The following FN1 variants were observed in gnomAD, a reference collection of about 807,000 sequenced individuals.
FN1 encodes fibronectin.
In FN1, 106 loss-of-function variants were observed where a neutral mutation model predicts 297.3. That is an observed-to-expected ratio of 0.36 (90% CI 0.30 to 0.42). The LOEUF is 0.42. FN1 is among the 10% of genes least tolerant of loss of function. The pLI is 1.00. For missense variants in FN1, 2,690 were observed against 3,124.9 expected (o/e 0.86, Z 3.32); for synonymous variants, 1,149 against 1,152.6 (o/e 1.00, Z 0.06).
At chr2:215,408,499 G>T in intron 15 of FN1, 73 bp from the exon 16 acceptor site, 1 of 1,455,192 alleles carries the variant, frequency 6.9e-7, no homozygotes, top group Non-Finnish European at 9.6e-7. Context: ...CTTATAAGAA[G>T]GATATTTTAA....
intron 18 of FN1, 68 bp downstream of exon 18, chr2:215,407,059 C>A (rs1388440342): frequency 2.4e-6 from 3 of 1,253,746 alleles, no homozygotes; most frequent in African/African-American, 1.5e-5. Flanking sequence ...TTGACAGAGA[C>A]AAAACAACCC....
chr2:215,405,186 G>C lies in FN1; in HGVS notation c.2987-531C>G, dbSNP rs116261741. Among the ~76,000 whole-genome samples the C allele has an allele frequency of 6.3e-3, 957 of 152,284 alleles. 7 individuals carry two copies. Among genetic ancestry groups the C allele is most frequent in the African/African-American group, 0.022 (902 of 41,544 alleles). On this transcript the variant is annotated intron_variant, in intron 19 of 45. Transcript: ENST00000354785. The stretch of plus-strand genomic sequence containing the variant: ...ATAACGTATCCTCAGATTCATGGTA[G>C]GATACTGGTGAGTTTGCACTATCAG...
At chr2:215,373,225 G>T in intron 39 of FN1, 97 bp downstream of exon 39, 2 of 910,772 alleles carry the variant, frequency 2.2e-6, no homozygotes, top group South Asian at 1.3e-5. Context: ...CACAAGAAAT[G>T]CATCAAAACA....
chr2:215,424,660 C>T (rs139110190), intron 7 of FN1, among the ~76,000 whole-genome samples: 319 of 152,160 alleles, frequency 2.1e-3, no homozygotes, highest in African/African-American at 6.0e-3. Flanking sequence ...TATATCTATG[C>T]CATAAAATTA....
rs780664311 is a variant in FN1, at chr2:215,430,698, A to T, written c.685+17T>A. On this transcript the variant is annotated intron_variant, in intron 5 of 45. Transcript: ENST00000354785. ...CAATACCTGGCTTAATCTTTAACAT[A>T]AAGATGTAAAACATACTTCTAGAAG... 1.7e-5 allele frequency: 27 copies of T among 1,613,406 alleles called. No individual in the cohort carries two copies. The South Asian group carries it at 2.9e-4, about 17-fold the overall frequency.
chr2:215,370,513 T>A, intron 40 of FN1, 81 bp from the exon 41 acceptor site: 34 of 905,278 alleles, frequency 3.8e-5, no homozygotes, highest in Middle Eastern at 2.8e-4. Flanking sequence ...CCAATAACCC[T>A]CACTGTTTAA....
chr2:215,418,012 A>G (rs927005450), intron 12 of FN1, among the ~76,000 whole-genome samples: 3 of 152,212 alleles, frequency 2.0e-5, no homozygotes, highest in African/African-American at 7.2e-5. Context: ...TGCATCATAT[A>G]AACAAACAAA....
At chr2:215,417,626 T>C (rs1464783296) in intron 12 of FN1, among the ~76,000 whole-genome samples, 1 of 152,202 alleles carries the variant, frequency 6.6e-6, no homozygotes, top group African/African-American at 2.4e-5. Flanking sequence ...CCCTACGTGC[T>C]AGGCCACGGA....
chr2:215,432,112 G>C (rs561759768), intron 3 of FN1, 148 bp from the exon 4 acceptor site: 6 of 874,200 alleles, frequency 6.9e-6, no homozygotes, highest in African/African-American at 1.7e-5. Context: ...AACGTTAACA[G>C]GTCTGGTCAC....
chr2:215,425,399 A>G, intron 6 of FN1, 114 bp from the exon 7 acceptor site: 2 of 1,085,508 alleles, frequency 1.8e-6, no homozygotes, highest in Non-Finnish European at 2.8e-6. Flanking sequence ...CTATGTCGCT[A>G]CTGGCCTGGG....
chr2:215,380,319 T>C (rs901935755), intron 33 of FN1: 4 of 173,124 alleles, frequency 2.3e-5, no homozygotes, highest in Non-Finnish European at 5.0e-5. Flanking sequence ...AATTGCCCTA[T>C]TGATTATTTC....
chr2:215,409,508 G>A (rs1029366319), intron 15 of FN1, 55 bp downstream of exon 15: 12 of 1,568,518 alleles, frequency 7.7e-6, no homozygotes, highest in Admixed American at 1.7e-5. Flanking sequence ...ACCCCCACAA[G>A]GAGAGTTTTC....
Position 215,410,091 on chromosome 2 carries a change from C to T in FN1, c.1965G>A (p.Lys655=). Residue 655 remains lysine, a synonymous_variant, in exon 14 of 46, where the codon AAG becomes AAA. Transcript: ENST00000354785. ...WRPKNSVGRW[K]EATIPGHLNS... ...TTAAGTGGCCTGGTATGGTAGCTTC[C>T]TTCCAACGGCCTACAGAATTTTTCT... The T allele has an allele frequency of 4.3e-6, 7 of 1,613,100 alleles. No homozygotes were observed. The highest frequency in any genetic ancestry group is 5.1e-6 in the Non-Finnish European group (6 of 1,179,740).
chr2:215,371,715 G>A, intron 40 of FN1, 194 bp downstream of exon 40: 1 of 366,328 alleles, frequency 2.7e-6, no homozygotes, highest in Non-Finnish European at 4.9e-6. Flanking sequence ...GTTTCACCAT[G>A]TTGGCCAGGC....
intron 29 of FN1, 131 bp downstream of exon 29, chr2:215,384,729 G>A: frequency 2.8e-6 from 2 of 713,486 alleles, no homozygotes; most frequent in South Asian, 3.3e-5. Flanking sequence ...GTATTTTCTT[G>A]GAAAAAACAA....
At chr2:215,423,242 C>A in intron 9 of FN1, 108 bp downstream of exon 9, 1 of 1,150,452 alleles carries the variant, frequency 8.7e-7, no homozygotes, top group South Asian at 1.3e-5. Context: ...TTTCTGTTGT[C>A]TCAAAATTGT....
chr2:215,404,364 A>G (rs777575860), intron 20 of FN1, 25 bp downstream of exon 20: 59 of 1,609,158 alleles, frequency 3.7e-5, no homozygotes, highest in Non-Finnish European at 4.9e-5. Flanking sequence ...TATAGTTAAG[A>G]AAAGGCACTT....
rs780172775 is a variant in FN1 at position 215,376,567 on chromosome 2, C to T, written c.5818G>A (p.Val1940Ile). The T allele has an allele frequency of 4.9e-5, 79 of 1,613,810 alleles. No individual in the cohort carries two copies. The highest frequency in any genetic ancestry group is 3.1e-4 in the East Asian group (14 of 44,868). ...ATTGGAGTCTGGCCATTGGCTGGAACGGCATCAACTTGGAAGCCAGTGATC... is the reference window on the plus strand; with the variant it reads ...ATTGGAGTCTGGCCATTGGCTGGAATGGCATCAACTTGGAAGCCAGTGATC... Reference protein sequence around the residue: ...ETITGFQVDAVPANGQTPIQR... With the variant: ...ETITGFQVDAIPANGQTPIQR... The change falls in exon 36 of 46, where the codon GTT becomes ATT. Residue 1940 changes from valine (V) to isoleucine (I), a missense_variant. By Grantham distance (29) the Val-to-Ile change is conservative. This residue lies in a region of FN1 where 1,743 missense variants were observed against 1,945.2 expected (regional missense o/e 0.90). Transcript: ENST00000354785.
chr2:215,397,848 G>A lies in FN1; in HGVS notation c.3349C>T (p.Leu1117=). ...CCTCCCTGGCTTGGTCGTACACCCAGCTAGAGGAAGGAATGCAAAGTAAAC... is the reference window on the plus strand; with the variant it reads ...CCTCCCTGGCTTGGTCGTACACCCAACTAGAGGAAGGAATGCAAAGTAAAC... ...WTPAPRIGFK[L]GVRPSQGGEA... is the part of the protein sequence containing the mutation. The change falls in exon 22 of 46, where the codon CTG becomes TTG. Residue 1117 remains leucine, a splice_region_variant and synonymous_variant. Coordinates refer to ENST00000354785, the MANE Select transcript of FN1 (RefSeq NM_212482.4). The A allele has an allele frequency of 1.2e-6, 2 of 1,613,958 alleles. No homozygotes were observed. Among genetic ancestry groups the A allele is most frequent in the Non-Finnish European group, 1.7e-6 (2 of 1,179,846 alleles).
Sources: allele counts gnomAD v4.1 joint callset (sites outside exome capture counted in the v4.1 genomes callset), GRCh38; gene constraint gnomAD v4.1.1; regional missense constraint gnomAD v4.1.1; transcripts MANE v1.5; gene names NCBI Gene and HGNC (gene_info 2026-07-23, HGNC 2026-07-21).